The following WBP2NL variants were observed in gnomAD, a reference collection of about 807,000 sequenced individuals.
WBP2NL encodes postacrosomal sheath WW domain-binding protein.
In WBP2NL, 27 loss-of-function variants were observed where a neutral mutation model predicts 23.3. The ratio of observed to expected loss-of-function variants is 1.16; its 90% confidence interval spans 0.85 to 1.60. The LOEUF is 1.60. Among genes scored for constraint, WBP2NL ranks in the 40% most tolerant of loss-of-function variants. The probability of loss-of-function intolerance (pLI) is 0.00; values close to 1 mark genes in which losing one functional copy is unlikely to be tolerated. For missense variants in WBP2NL, 370 were observed against 389.5 expected, an observed-to-expected ratio of 0.95 and a Z score of 0.42; for synonymous variants, 151 against 145.9, an observed-to-expected ratio of 1.03 and a Z score of -0.25.
At chr22:42,015,410 C>CT (rs374734465) in intron 1 of WBP2NL, among the ~76,000 whole-genome samples, 30 of 148,312 alleles carry the variant, frequency 2.0e-4, no homozygotes, top group East Asian at 1.4e-3. Flanking sequence ...GCATCATTTC[C>CT]TTTTTTTTTT....
At chr22:42,034,220 C>T (rs1232748369), downstream of WBP2NL, among the ~76,000 whole-genome samples, 1 of 152,224 alleles carries the variant, frequency 6.6e-6, no homozygotes, top group African/African-American at 2.4e-5. Context: ...CCTGCAAGGG[C>T]AAGGGGGTAT....
chr22:42,027,199 C>T lies in WBP2NL; in HGVS notation c.*18C>T. 4 of 1,578,796 alleles carry T rather than the reference C, an allele frequency of 2.5e-6. No homozygotes were observed. Among genetic ancestry groups the T allele is most frequent in the Non-Finnish European group, 3.4e-6 (4 of 1,163,732 alleles). ...ATTCTTAACCTTCTAAGATGTAAACCTTGAAGACTCACCAAGCAAAGAGGT... is the reference window on the plus strand; with the variant it reads ...ATTCTTAACCTTCTAAGATGTAAACTTTGAAGACTCACCAAGCAAAGAGGT... On this transcript the variant is annotated 3_prime_UTR_variant, in exon 6 of 6. Coordinates refer to ENST00000328823, the MANE Select transcript of WBP2NL (RefSeq NM_152613.3).
At position 42,002,105 on chromosome 22, in the gene WBP2NL, T is replaced by C. The variant is rs1385345746; in HGVS notation, c.62+3225T>C. The C allele has an allele frequency of 2.0e-5, 8 of 403,694 alleles. No individual in the cohort carries two copies. The Admixed American group carries it at 3.3e-4, about 17-fold the overall frequency. 25.0% of individuals were successfully genotyped at this position (403,694 alleles called of 1,614,324 possible). A position where few individuals can be genotyped will look rare whatever the true frequency, so the allele number is the denominator to read the frequency against. ...GGCTATGGGTGTCTCTCTACTTCAC[T>C]GCTTGTGTGTTGGAGAAAGGGAAGG... On this transcript the variant is annotated intron_variant, in intron 1 of 5. Coordinates refer to ENST00000328823, the MANE Select transcript of WBP2NL (RefSeq NM_152613.3).
At chr22:42,056,337 A>C (rs1246474333) in intron 8 of WBP2NL, among the ~76,000 whole-genome samples, 2 of 152,198 alleles carry the variant, frequency 1.3e-5, no homozygotes, top group Non-Finnish European at 2.9e-5. Flanking sequence ...GTTACAAATG[A>C]CATCTTTATA....
intron 8 of WBP2NL, among the ~76,000 whole-genome samples, chr22:42,057,403 T>C (rs34766960): frequency 6.6e-6 from 1 of 152,302 alleles, no homozygotes; most frequent in Middle Eastern, 3.4e-3. Context: ...CTCTTCTTTG[T>C]TATTCTGTTT....
chr22:42,015,691 C>T (rs1161704079), intron 1 of WBP2NL, among the ~76,000 whole-genome samples: 2 of 152,078 alleles, frequency 1.3e-5, no homozygotes, highest in African/African-American at 2.4e-5. Context: ...CGTGAGCCAC[C>T]GCACCGAGGC....
At chr22:42,021,670 A>T (rs1923987702) in intron 4 of WBP2NL, among the ~76,000 whole-genome samples, 1 of 152,168 alleles carries the variant, frequency 6.6e-6, no homozygotes, top group African/African-American at 2.4e-5. Flanking sequence ...TTTTTTCTGA[A>T]TATCTGTTAT....
At chr22:42,039,698 C>G (rs1286423477) in intron 8 of WBP2NL, among the ~76,000 whole-genome samples, 1 of 151,918 alleles carries the variant, frequency 6.6e-6, no homozygotes, top group African/African-American at 2.4e-5. Flanking sequence ...GTAATGTCTC[C>G]TCTCTTATTT....
intron 8 of WBP2NL, among the ~76,000 whole-genome samples, chr22:42,057,765 A>C (rs1421128183): frequency 6.7e-6 from 1 of 148,544 alleles, no homozygotes; most frequent in Non-Finnish European, 1.5e-5. Context: ...AACTGAACAT[A>C]GATTGGTTAT....
chr22:42,006,321 C>T (rs528673455), intron 1 of WBP2NL, among the ~76,000 whole-genome samples: 93 of 151,896 alleles, frequency 6.1e-4, no homozygotes, highest in South Asian at 4.8e-3. Context: ...CCCGGGTTCA[C>T]GCCATTCTCC....
At chr22:42,008,842 G>A (rs1026278147) in intron 1 of WBP2NL, among the ~76,000 whole-genome samples, 8 of 151,822 alleles carry the variant, frequency 5.3e-5, no homozygotes, top group Admixed American at 2.0e-4. Flanking sequence ...GCAGTGGCAC[G>A]ATCTTGGCTG....
chr22:42,021,937 C>T (rs1345065242), intron 4 of WBP2NL, among the ~76,000 whole-genome samples: 1 of 152,004 alleles, frequency 6.6e-6, no homozygotes, highest in Non-Finnish European at 1.5e-5. Context: ...GCTAGGACCA[C>T]AGGCATGCAC....
At chr22:42,055,968 T>C (rs563983747) in intron 8 of WBP2NL, among the ~76,000 whole-genome samples, 2 of 152,152 alleles carry the variant, frequency 1.3e-5, no homozygotes, top group South Asian at 4.1e-4. Flanking sequence ...GGATTGTGTG[T>C]GCACTTGGGT....
intron 8 of WBP2NL, among the ~76,000 whole-genome samples, chr22:42,051,735 A>G (rs1416719071): frequency 6.6e-6 from 1 of 152,178 alleles, no homozygotes; most frequent in Non-Finnish European, 1.5e-5. Flanking sequence ...ACAGCTTTTT[A>G]AATGTCTGAG....
intron 1 of WBP2NL, among the ~76,000 whole-genome samples, chr22:42,010,464 T>C (rs1007637734): frequency 7.2e-5 from 11 of 152,352 alleles, no homozygotes; most frequent in African/African-American, 2.4e-4. Context: ...GCTTTTATTA[T>C]GTTGAGGTAG....
At chr22:42,005,581 A>G (rs866156819) in intron 1 of WBP2NL, among the ~76,000 whole-genome samples, 6 of 152,204 alleles carry the variant, frequency 3.9e-5, no homozygotes, top group African/African-American at 9.6e-5. Context: ...ATTTGTGAGG[A>G]AAAAATTCAT....
At position 42,001,758 on chromosome 22, in the gene WBP2NL, C is replaced by G. The variant is rs1921715262; in HGVS notation, c.62+2878C>G. The G allele has an allele frequency of 2.5e-6, 3 of 1,203,452 alleles. No individual in the cohort carries two copies. The African/African-American group carries it at 4.5e-5, about 18-fold the overall frequency. The allele number at this position is 1,203,452 out of a possible 1,614,324, so 74.5% of individuals were successfully genotyped here. A position where few individuals can be genotyped will look rare whatever the true frequency, so the allele number is the denominator to read the frequency against. ...GATGACACTGGCCAGGTTACCGCAC[C>G]AGGACAGGACTCCGTGCTCCTTGGG... On this transcript the variant is annotated intron_variant, in intron 1 of 5. Transcript: ENST00000328823.
intron 1 of WBP2NL, among the ~76,000 whole-genome samples, chr22:42,002,233 A>G (rs1210165453): frequency 6.6e-6 from 1 of 152,200 alleles, no homozygotes; most frequent in African/African-American, 2.4e-5. Context: ...AATAGCATTT[A>G]TCGAACACTA....
At chr22:42,017,809 T>G (rs898204460) in intron 1 of WBP2NL, among the ~76,000 whole-genome samples, 2 of 151,462 alleles carry the variant, frequency 1.3e-5, no homozygotes, top group African/African-American at 4.8e-5. Context: ...CCCAGGAGTT[T>G]GAGACCATCC....
Sources: allele counts gnomAD v4.1 joint callset (sites outside exome capture counted in the v4.1 genomes callset), GRCh38; gene constraint gnomAD v4.1.1; transcripts MANE v1.5; gene names NCBI Gene and HGNC (gene_info 2026-07-23, HGNC 2026-07-21).